FASTKD2: variants seen among roughly 807,000 people sequenced by gnomAD.
FASTKD2 encodes the protein FAST kinase domain-containing protein 2, mitochondrial.
A neutral mutation model predicts 63.6 loss-of-function variants in FASTKD2; 51 were observed. The observed-to-expected ratio is 0.80, with a 90% CI of 0.64 to 1.01. The LOEUF (loss-of-function observed/expected upper bound fraction) is 1.01. Ranked by LOEUF, FASTKD2 falls within the 50% of genes least tolerant of loss-of-function variation. FASTKD2 has a pLI of 0.00. For missense variants in FASTKD2, 786 were observed against 831.1 expected (o/e 0.95, Z 0.67); for synonymous variants, 284 against 293.4 (o/e 0.97, Z 0.33).
In FASTKD2 at chr2:206,780,723, C is replaced by T. The variant is rs189937830; in HGVS notation, c.1428-6010C>T. 4.6e-3 allele frequency among the ~76,000 whole-genome samples: 693 copies of T among 152,126 alleles called. 9 individuals carry two copies. The highest frequency in any genetic ancestry group is 0.015 in the African/African-American group (612 of 41,512). On this transcript the variant is annotated intron_variant, in intron 7 of 11. Transcript: ENST00000402774. ...CTTTCAGCTCCTTTTTTTCTTCTCC[C>T]GAGACACCCATAATGCACACATTGG...
chr2:206,775,845 T>C (rs749777290), intron 7 of FASTKD2, among the ~76,000 whole-genome samples: 3 of 152,022 alleles, frequency 2.0e-5, no homozygotes, highest in African/African-American at 4.8e-5. Flanking sequence ...CTATCAACAT[T>C]GTGCAAGGGT....
rs147833865 is a variant in FASTKD2, at chr2:206,785,507, C to T, written c.1428-1226C>T. Among the ~76,000 whole-genome samples, 349 of 152,184 alleles carry T rather than the reference C, an allele frequency of 2.3e-3. 2 individuals are homozygous for T. Among genetic ancestry groups the T allele is most frequent in the African/African-American group, 7.9e-3 (327 of 41,512 alleles). On this transcript the variant is annotated intron_variant, in intron 7 of 11. Transcript: ENST00000402774. ...TGCAAGACCTGGAGGAAAGAAACAG[C>T]AGAGCACATGCAGGGAACAGCACAC... is the stretch of plus-strand genomic sequence containing the variant.
chr2:206,774,078 G>A (rs1689757237), intron 6 of FASTKD2, 147 bp from the exon 7 acceptor site: 1 of 605,300 alleles, frequency 1.7e-6, no homozygotes, highest in South Asian at 2.1e-5. Flanking sequence ...AAAGATGATT[G>A]TTCCTTTTCA....
chr2:206,772,390 TA>T, intron 6 of FASTKD2, 70 bp downstream of exon 6: 1 of 1,444,884 alleles, frequency 6.9e-7, no homozygotes, highest in Non-Finnish European at 9.7e-7. Flanking sequence ...GCATTTTAAG[TA>T]TTTCTCTTTC....
At position 206,795,453 on chromosome 2, in the gene FASTKD2, C is replaced by G. The variant is rs569623134; in HGVS notation, c.*3651C>G. On this transcript the variant is annotated 3_prime_UTR_variant, in exon 12 of 12. Coordinates refer to ENST00000402774, the MANE Select transcript of FASTKD2 (RefSeq NM_001136193.2). ...TTCACCATGTTAGCCAGGATGGTCT[C>G]GATCTCCTGACCTTGCGATCTGCCC... Among the ~76,000 whole-genome samples the G allele has an allele frequency of 1.3e-5, 2 of 152,298 alleles. No homozygotes were observed. Among genetic ancestry groups the G allele is most frequent in the African/African-American group, 4.8e-5 (2 of 41,564 alleles).
At chr2:206,773,933 G>A (rs1689753817) in intron 6 of FASTKD2, among the ~76,000 whole-genome samples, 1 of 152,156 alleles carries the variant, frequency 6.6e-6, no homozygotes, top group African/African-American at 2.4e-5. Flanking sequence ...TGTATGAAAA[G>A]CATGTAGGAA....
At chr2:206,771,319 G>T (rs755471367) in intron 4 of FASTKD2, 29 bp downstream of exon 4, 14 of 1,331,484 alleles carry the variant, frequency 1.1e-5, no homozygotes, top group South Asian at 7.0e-5. Flanking sequence ...TCTAGTGGAT[G>T]AGATTTGAAA....
intron 7 of FASTKD2, among the ~76,000 whole-genome samples, chr2:206,781,179 T>C (rs948393780): frequency 2.6e-5 from 4 of 152,152 alleles, no homozygotes; most frequent in Non-Finnish European, 5.9e-5. Context: ...TAGCTTTGCA[T>C]TGGTGTCTGC....
At chr2:206,766,619 C>T (rs1191829893) in intron 1 of FASTKD2, 25 bp from the exon 2 acceptor site, 1 of 1,259,084 alleles carries the variant, frequency 7.9e-7, no homozygotes, top group Non-Finnish European at 1.2e-6. Flanking sequence ...AATTTTTATT[C>T]TTTTCATTAC....
rs543244338 is a variant in FASTKD2 at position 206,788,485 on chromosome 2, G to A, written c.1813+330G>A. The stretch of plus-strand genomic sequence containing the variant: ...ACGGTGGCACACGCCTGTAATCCTA[G>A]CATGTGGAGAGGCCGAGGCAGGTGG... On this transcript the variant is annotated intron_variant, in intron 9 of 11. Transcript: ENST00000402774. Among the ~76,000 whole-genome samples, 346 of 152,140 alleles carry A rather than the reference G, an allele frequency of 2.3e-3. 2 individuals are homozygous for A. Among genetic ancestry groups the A allele is most frequent in the African/African-American group, 7.9e-3 (326 of 41,502 alleles).
chr2:206,777,776 C>T (rs1689862398), intron 7 of FASTKD2, among the ~76,000 whole-genome samples: 1 of 152,116 alleles, frequency 6.6e-6, no homozygotes. Context: ...GCTATCTAGT[C>T]CTGGCCTTTT....
chr2:206,786,471 G>A (rs1690140665), intron 7 of FASTKD2: 1 of 414,464 alleles, frequency 2.4e-6, no homozygotes, highest in East Asian at 5.1e-5. Context: ...TTTTTTAAAT[G>A]AGGAGAATAA....
chr2:206,768,161 G>A lies in FASTKD2; in HGVS notation c.777+691G>A, dbSNP rs574005064. Among the ~76,000 whole-genome samples, 16 of 152,294 alleles carry A rather than the reference G, an allele frequency of 1.1e-4. No homozygotes were observed. The South Asian group carries it at 1.9e-3, about 18-fold the overall frequency. ...TTTATCCTGTAGGCAATGGGAATCC[G>A]TTGAAGAATTTTAAGCAATGGGTTG... On this transcript the variant is annotated intron_variant, in intron 2 of 11. Coordinates refer to ENST00000402774, the MANE Select transcript of FASTKD2 (RefSeq NM_001136193.2).
intron 9 of FASTKD2, 39 bp from the exon 10 acceptor site, chr2:206,788,779 AG>A: frequency 2.2e-6 from 2 of 910,676 alleles, no homozygotes; most frequent in Non-Finnish European, 3.6e-6. Context: ...AGTCACTTGG[AG>A]GAATGTTTGA....
At chr2:206,786,594 A>C (rs1690143249) in intron 7 of FASTKD2, 139 bp from the exon 8 acceptor site, 2 of 783,642 alleles carry the variant, frequency 2.6e-6, no homozygotes, top group East Asian at 5.0e-5. Context: ...GTATACACTT[A>C]TTATGAGATA....
At chr2:206,786,556 A>G in intron 7 of FASTKD2, 177 bp from the exon 8 acceptor site, 1 of 647,764 alleles carries the variant, frequency 1.5e-6, no homozygotes, top group Non-Finnish European at 2.8e-6. Context: ...CGTGCAAGAC[A>G]TACAGCAATA....
In FASTKD2 at chr2:206,791,926, T is replaced by C; in HGVS notation, c.*124T>C. On this transcript the variant is annotated 3_prime_UTR_variant, in exon 12 of 12. Coordinates refer to ENST00000402774, the MANE Select transcript of FASTKD2 (RefSeq NM_001136193.2). ...AAAAAATGTTACCTCAGTTCACTATTAAAATTAATTTTAGGAGTGGAAGAA... is the reference window on the plus strand; with the variant it reads ...AAAAAATGTTACCTCAGTTCACTATCAAAATTAATTTTAGGAGTGGAAGAA... 1 of 836,842 alleles carries C rather than the reference T, an allele frequency of 1.2e-6. No individual in the cohort carries two copies. The highest frequency in any genetic ancestry group is 1.9e-6 in the Non-Finnish European group (1 of 531,566). The allele number at this position is 836,842 out of a possible 1,614,324, so 51.8% of individuals were successfully genotyped here. A position where few individuals can be genotyped will look rare whatever the true frequency, so the allele number is the denominator to read the frequency against.
At chr2:206,773,592 C>T (rs2105975474) in intron 6 of FASTKD2, among the ~76,000 whole-genome samples, 1 of 152,178 alleles carries the variant, frequency 6.6e-6, no homozygotes, top group African/African-American at 2.4e-5. Flanking sequence ...TAGGTGATAA[C>T]TGTTAGATCT....
chr2:206,771,939 C>T lies in FASTKD2; in HGVS notation c.1036C>T (p.Gln346Ter), dbSNP rs1689693665. ...AGACAGATTTTCTGTTTTGAATAGC[C>T]AACACATGTTTGAAGTACTAGCTGC... ...ELDRFSVLNSQHMFEVLAAMN... is the reference protein window; with the variant it reads ...ELDRFSVLNS Residue 346 changes from glutamine to a stop codon, truncating the protein, a stop_gained, in exon 5 of 12, where the codon CAA becomes TAA. Transcript: ENST00000402774. LOFTEE classifies it high-confidence loss of function. 6.2e-7 allele frequency: 1 copy of T among 1,610,654 alleles called. No homozygotes were observed. Among genetic ancestry groups the T allele is most frequent in the Non-Finnish European group, 8.5e-7 (1 of 1,176,892 alleles).
Sources: allele counts gnomAD v4.1 joint callset (sites outside exome capture counted in the v4.1 genomes callset), GRCh38; gene constraint gnomAD v4.1.1; transcripts MANE v1.5; gene names NCBI Gene and HGNC (gene_info 2026-07-23, HGNC 2026-07-21).